Variants in GABRB1 observed in about 807,000 individuals in gnomAD.
GABRB1 encodes gamma-aminobutyric acid receptor subunit beta-1.
Under a neutral mutation model 51.6 loss-of-function variants are expected in GABRB1, and 17 were observed. The observed-to-expected ratio is 0.33, with a 90% CI of 0.23 to 0.49. The LOEUF (loss-of-function observed/expected upper bound fraction) is 0.49, where lower values mean the gene tolerates loss of function less well. Ranked by LOEUF, GABRB1 falls within the 20% of genes least tolerant of loss-of-function variation. GABRB1 has a pLI of 0.99. For synonymous variants in GABRB1, 247 were observed against 218.9 expected (o/e 1.13, Z -1.14); for missense variants, 410 against 600.6 (o/e 0.68, Z 3.32).
intron 3 of GABRB1, among the ~76,000 whole-genome samples, chr4:47,154,424 A>G (rs554874207): frequency 7.9e-5 from 12 of 152,180 alleles, no homozygotes; most frequent in Admixed American, 6.6e-4. Context: ...CTTGGTTAAT[A>G]AACAAAACCC....
At chr4:47,218,305 C>T (rs1720633952) in intron 4 of GABRB1, among the ~76,000 whole-genome samples, 1 of 151,842 alleles carries the variant, frequency 6.6e-6, no homozygotes, top group African/African-American at 2.4e-5. Flanking sequence ...CATGAGGGTG[C>T]AGCTATCCCT....
chr4:47,171,554 A>G (rs1169200363), intron 4 of GABRB1, among the ~76,000 whole-genome samples: 1 of 152,126 alleles, frequency 6.6e-6, no homozygotes, highest in Non-Finnish European at 1.5e-5. Context: ...ACATCATTAA[A>G]AAATATTGAC....
intron 4 of GABRB1, among the ~76,000 whole-genome samples, chr4:47,289,306 G>T (rs994647772): frequency 2.6e-5 from 4 of 152,014 alleles, no homozygotes; most frequent in African/African-American, 9.7e-5. Flanking sequence ...ACTCAGAAAG[G>T]AAAAAGTGCA....
chr4:47,315,455 T>G (rs1369761811), intron 4 of GABRB1, among the ~76,000 whole-genome samples: 2 of 152,002 alleles, frequency 1.3e-5, no homozygotes, highest in Non-Finnish European at 2.9e-5. Context: ...GTTCAGCCAT[T>G]GTGGAAAGCA....
chr4:47,003,949 G>A (rs1399155624), intron 1 of GABRB1, among the ~76,000 whole-genome samples: 2 of 152,062 alleles, frequency 1.3e-5, no homozygotes, highest in Admixed American at 6.6e-5. Flanking sequence ...ATGTTATGCG[G>A]CATTACAATA....
intron 3 of GABRB1, among the ~76,000 whole-genome samples, chr4:47,120,110 AAG>A (rs1028710498): frequency 2.0e-5 from 3 of 152,202 alleles, no homozygotes; most frequent in African/African-American, 7.2e-5. Flanking sequence ...AAACTATAAA[AAG>A]AGACAAAAAA....
intron 3 of GABRB1, among the ~76,000 whole-genome samples, chr4:47,084,637 ACTTTGGGGTTTCC>A (rs1432806714): frequency 6.6e-6 from 1 of 152,158 alleles, no homozygotes; most frequent in Non-Finnish European, 1.5e-5. Context: ...AGATATAATT[ACTTTGGGGTTTCC>A]CTTACCTACC....
At chr4:47,032,853 G>A in intron 3 of GABRB1, 1 of 418,458 alleles carries the variant, frequency 2.4e-6, no homozygotes, top group African/African-American at 2.0e-5. Context: ...CCCCGGACCG[G>A]TGGTCGGCAG....
intron 3 of GABRB1, among the ~76,000 whole-genome samples, chr4:47,123,416 ATATATAT>A (rs1282629489): frequency 9.1e-6 from 1 of 110,138 alleles, no homozygotes; most frequent in African/African-American, 3.5e-5. Flanking sequence ...ATATATACAC[ATATATAT>A]TATATATTAT....
chr4:47,065,855 A>G (rs1044775691), intron 3 of GABRB1, among the ~76,000 whole-genome samples: 1 of 152,254 alleles, frequency 6.6e-6, no homozygotes, highest in Admixed American at 6.5e-5. Context: ...GTTAACTTTA[A>G]TAAAAATTGA....
In GABRB1 at chr4:47,330,002, A is replaced by G. The variant is rs58625628; in HGVS notation, c.544+9793A>G. Among the ~76,000 whole-genome samples the G allele has an allele frequency of 7.4e-3, 1,133 of 152,206 alleles. 18 individuals are homozygous for G. Among genetic ancestry groups the G allele is most frequent in the African/African-American group, 0.026 (1,071 of 41,546 alleles). ...CCAGTCCCAGTCCAAAGGCTTGAGAACCAGAATTGATAGCGTAACTCTAGT... is the reference window on the plus strand; with the variant it reads ...CCAGTCCCAGTCCAAAGGCTTGAGAGCCAGAATTGATAGCGTAACTCTAGT... On this transcript the variant is annotated intron_variant, in intron 5 of 8. Transcript: ENST00000295454.
At chr4:47,050,404 T>A (rs1726292425) in intron 3 of GABRB1, among the ~76,000 whole-genome samples, 2 of 151,900 alleles carry the variant, frequency 1.3e-5, no homozygotes, top group South Asian at 4.1e-4. Context: ...GGAAATACTG[T>A]CAGGCAACAA....
At chr4:47,013,958 G>A (rs905236595) in intron 1 of GABRB1, among the ~76,000 whole-genome samples, 1 of 152,022 alleles carries the variant, frequency 6.6e-6, no homozygotes, top group Non-Finnish European at 1.5e-5. Context: ...TTTCTGTCTT[G>A]TCCAAGAAAT....
At chr4:47,259,838 C>T (rs1722357968) in intron 4 of GABRB1, among the ~76,000 whole-genome samples, 1 of 152,082 alleles carries the variant, frequency 6.6e-6, no homozygotes, top group Non-Finnish European at 1.5e-5. Context: ...TTTACCAAAC[C>T]TCATGAAGAA....
At chr4:47,291,592 G>A (rs1019476385) in intron 4 of GABRB1, among the ~76,000 whole-genome samples, 1 of 152,174 alleles carries the variant, frequency 6.6e-6, no homozygotes, top group Non-Finnish European at 1.5e-5. Context: ...GCAACTAGGA[G>A]GGGGGCTATA....
chr4:47,403,758 A>G (rs1157653427), intron 7 of GABRB1, 47 bp downstream of exon 7: 12 of 1,582,246 alleles, frequency 7.6e-6, no homozygotes, highest in Non-Finnish European at 1.0e-5. Flanking sequence ...TTTACTTTCA[A>G]ACAAATAACC....
chr4:47,339,290 G>C (rs951467250), intron 5 of GABRB1, among the ~76,000 whole-genome samples: 1 of 152,162 alleles, frequency 6.6e-6, no homozygotes. Context: ...ACTACTCGAG[G>C]AAAGTAAGCC....
In GABRB1 at chr4:47,001,763, CG is replaced by C. The variant is rs574916203; in HGVS notation, c.-20+7839del. Among the ~76,000 whole-genome samples the C allele has an allele frequency of 7.7e-4, 118 of 152,288 alleles. 2 individuals are homozygous for C. Among genetic ancestry groups the C allele is most frequent in the African/African-American group, 2.6e-3 (106 of 41,552 alleles). ...ACAGATAGAATAATCTATACTCTAT[CG>C]GTTCAATTTCTCTAGAAAATCCTAA... On this transcript the variant is annotated intron_variant, in intron 1 of 3. Coordinates refer to the GABRB1 transcript ENST00000513567.
intron 3 of GABRB1, among the ~76,000 whole-genome samples, chr4:47,145,123 G>C (rs1235222524): frequency 2.0e-5 from 3 of 151,994 alleles, no homozygotes; most frequent in Admixed American, 2.0e-4. Flanking sequence ...AGGAAATATT[G>C]AGTATCTCTT....
Sources: allele counts gnomAD v4.1 joint callset (sites outside exome capture counted in the v4.1 genomes callset), GRCh38; gene constraint gnomAD v4.1.1; transcripts MANE v1.5; gene names NCBI Gene and HGNC (gene_info 2026-07-23, HGNC 2026-07-21).